The following NMNAT1 variants were observed in gnomAD, a reference collection of about 807,000 sequenced individuals.
NMNAT1 encodes nicotinamide/nicotinic acid mononucleotide adenylyltransferase 1.
NMNAT1 carries 11 observed loss-of-function variants against 16.7 expected under a neutral mutation model. That is an observed-to-expected ratio of 0.66 (90% CI 0.41 to 1.09). NMNAT1 has a LOEUF of 1.09. Among genes scored for constraint, NMNAT1 ranks in the 50% least tolerant of loss-of-function variants. The probability of loss-of-function intolerance (pLI) is 0.00; values close to 1 mark genes in which losing one functional copy is unlikely to be tolerated. For missense variants in NMNAT1, 280 were observed against 332.3 expected, an observed-to-expected ratio of 0.84 and a Z score of 1.22; for synonymous variants, 110 against 119.8, an observed-to-expected ratio of 0.92 and a Z score of 0.53.
chr1:9,975,892 G>T, intron 3 of NMNAT1, 117 bp downstream of exon 3: 2 of 815,796 alleles, frequency 2.5e-6, no homozygotes, highest in South Asian at 3.4e-5. Context: ...AAACTGTCAC[G>T]TGTGTTGTAA....
rs112482526 is a variant in NMNAT1, at chr1:9,944,247, C to T, written c.-57+732C>T. Among the ~76,000 whole-genome samples the T allele has an allele frequency of 4.8e-3, 736 of 151,844 alleles. 9 individuals carry two copies. Among genetic ancestry groups the T allele is most frequent in the African/African-American group, 0.017 (693 of 41,398 alleles). ...CCAGCCGGGGCGACAGTTCGAGACT[C>T]CATCTCAAAAATAAAAATAAAAAAA... On this transcript the variant is annotated intron_variant, in intron 1 of 4. Coordinates refer to ENST00000377205, the MANE Select transcript of NMNAT1 (RefSeq NM_022787.4).
At chr1:9,989,813 C>T (rs897087108), downstream of NMNAT1, among the ~76,000 whole-genome samples, 9 of 152,208 alleles carry the variant, frequency 5.9e-5, no homozygotes, top group Non-Finnish European at 1.2e-4. Flanking sequence ...GAGCTGTTAA[C>T]ACTTAAGCTG....
chr1:9,969,741 ACT>A (rs1386472358), intron 1 of NMNAT1, among the ~76,000 whole-genome samples: 1 of 152,020 alleles, frequency 6.6e-6, no homozygotes, highest in African/African-American at 2.4e-5. Flanking sequence ...AGAGAGGGAG[ACT>A]CTGTCTCAAA....
At chr1:9,965,390 C>G (rs1422348411) in intron 1 of NMNAT1, among the ~76,000 whole-genome samples, 1 of 146,956 alleles carries the variant, frequency 6.8e-6, no homozygotes, top group Non-Finnish European at 1.5e-5. Flanking sequence ...ATATTTATTA[C>G]TTTTTAATTT....
downstream of NMNAT1, chr1:9,985,611 G>A (rs1642035015): frequency 6.6e-6 from 1 of 152,200 alleles, no homozygotes; most frequent in African/African-American, 2.4e-5. Flanking sequence ...GGAATCCGAG[G>A]GAGAAGGTGA....
chr1:9,989,584 A>G (rs970889778), downstream of NMNAT1, among the ~76,000 whole-genome samples: 1 of 152,136 alleles, frequency 6.6e-6, no homozygotes, highest in African/African-American at 2.4e-5. Flanking sequence ...TTTGAAGAGG[A>G]GTCCAGCCAG....
At chr1:9,945,648 C>T (rs144285318) in intron 1 of NMNAT1, among the ~76,000 whole-genome samples, 116 of 152,248 alleles carry the variant, frequency 7.6e-4, no homozygotes, top group African/African-American at 2.3e-3. Context: ...TGCAGTGAGC[C>T]GAGATCGTGC....
intron 1 of NMNAT1, among the ~76,000 whole-genome samples, chr1:9,962,706 G>T (rs1289222331): frequency 8.1e-6 from 1 of 123,694 alleles, no homozygotes; most frequent in Non-Finnish European, 1.6e-5. Flanking sequence ...TTTTGAGACG[G>T]AGTCTTGCTC....
intron 1 of NMNAT1, chr1:9,950,675 T>C (rs1641086948): frequency 6.6e-6 from 1 of 152,266 alleles, no homozygotes; most frequent in Admixed American, 6.5e-5. Flanking sequence ...AGGATCTCAT[T>C]AAATGCAGTG....
At chr1:9,958,449 T>G (rs1352180735) in intron 1 of NMNAT1, among the ~76,000 whole-genome samples, 7 of 151,638 alleles carry the variant, frequency 4.6e-5, no homozygotes, top group South Asian at 2.1e-4. Context: ...TTTTGTTTTT[T>G]TTTTTTTTGA....
chr1:9,973,206 T>G (rs1245352376), intron 2 of NMNAT1, among the ~76,000 whole-genome samples: 1 of 151,902 alleles, frequency 6.6e-6, no homozygotes, highest in East Asian at 2.0e-4. Flanking sequence ...AACCTCCACC[T>G]CCTGGGTTCA....
chr1:9,989,078 C>T (rs1334766915), downstream of NMNAT1, among the ~76,000 whole-genome samples: 1 of 152,050 alleles, frequency 6.6e-6, no homozygotes, highest in African/African-American at 2.4e-5. Flanking sequence ...GATACTATGG[C>T]CCAAAGTGAG....
intron 1 of NMNAT1, among the ~76,000 whole-genome samples, chr1:9,953,420 G>A (rs918826637): frequency 2.5e-4 from 38 of 149,894 alleles, no homozygotes; most frequent in African/African-American, 9.0e-4. Flanking sequence ...GGGATTACAG[G>A]CCTGCACCAC....
At chr1:9,987,013 A>T (rs1213125318), downstream of NMNAT1, among the ~76,000 whole-genome samples, 1 of 151,756 alleles carries the variant, frequency 6.6e-6, no homozygotes, top group Non-Finnish European at 1.5e-5. Context: ...CCTGGCCAAC[A>T]TGGTGAAACC....
At chr1:9,993,957 T>C in the NMNAT1 span, among the ~76,000 whole-genome samples, 1 of 152,294 alleles carries the variant, frequency 6.6e-6, no homozygotes, top group African/African-American at 2.4e-5. Flanking sequence ...ATCCAGACTC[T>C]GCCAACTATA....
At chr1:9,975,932 T>C (rs1280337539) in intron 3 of NMNAT1, among the ~76,000 whole-genome samples, 157 bp downstream of exon 3, 1 of 152,202 alleles carries the variant, frequency 6.6e-6, no homozygotes, top group Non-Finnish European at 1.5e-5. Context: ...ACTACAAGAC[T>C]GTAGAGCACA....
chr1:9,973,827 C>T (rs1404976033), intron 2 of NMNAT1, among the ~76,000 whole-genome samples: 1 of 148,834 alleles, frequency 6.7e-6, no homozygotes, highest in Admixed American at 6.8e-5. Context: ...AGTTTGAGAT[C>T]AGCCTGGCCA....
At chr1:9,943,090 TG>T (rs1251284082), upstream of NMNAT1, 6 of 212,194 alleles carry the variant, frequency 2.8e-5, no homozygotes, top group Admixed American at 5.0e-5. Flanking sequence ...CCAACAGGAC[TG>T]GGTGAAGAAT....
intron 3 of NMNAT1, 116 bp downstream of exon 3, chr1:9,975,891 C>T (rs76819548): frequency 5.5e-5 from 45 of 820,250 alleles, no homozygotes; most frequent in Non-Finnish European, 7.3e-5. Context: ...AAAACTGTCA[C>T]GTGTGTTGTA....
Sources: gnomAD v4.1 joint callset for allele counts (sites outside exome capture counted in the v4.1 genomes callset) on GRCh38, gnomAD v4.1.1 for gene constraint, MANE v1.5 for transcripts, NCBI Gene and HGNC (gene_info 2026-07-23, HGNC 2026-07-21) for gene names.